EYS: variants seen among roughly 807,000 people sequenced by gnomAD.
EYS encodes the protein protein eyes shut homolog.
A neutral mutation model predicts 282.1 loss-of-function variants in EYS; 250 were observed. The observed-to-expected ratio is 0.89, with a 90% confidence interval of 0.80 to 0.98. EYS has a LOEUF of 0.98. Among genes scored for constraint, EYS ranks in the 50% least tolerant of loss-of-function variants. EYS has a pLI of 0.00. For synonymous variants in EYS, 1,355 were observed against 1,282.9 expected (o/e 1.06, Z -1.20); for missense variants, 4,016 against 3,709.0 (o/e 1.08, Z -2.15).
intron 11 of EYS, chr6:65,332,162 G>C: frequency 2.1e-6 from 1 of 478,846 alleles, no homozygotes; most frequent in Admixed American, 3.7e-5. Context: ...GATTGTGGAA[G>C]TTCCCTTTTA....
At chr6:65,271,858 G>C (rs1582086692) in intron 12 of EYS, among the ~76,000 whole-genome samples, 1 of 152,022 alleles carries the variant, frequency 6.6e-6, no homozygotes, top group Non-Finnish European at 1.5e-5. Flanking sequence ...TGCTGGAATT[G>C]CAGGCGTGAG....
chr6:65,133,288 AG>A (rs1233115579), intron 12 of EYS, among the ~76,000 whole-genome samples: 1 of 151,970 alleles, frequency 6.6e-6, no homozygotes, highest in African/African-American at 2.4e-5. Context: ...AAACAAAAAA[AG>A]CAAACAACAA....
chr6:64,511,636 T>A (rs1286906277), intron 26 of EYS, among the ~76,000 whole-genome samples: 2 of 152,036 alleles, frequency 1.3e-5, no homozygotes, highest in Non-Finnish European at 2.9e-5. Flanking sequence ...ACTGCTTTAG[T>A]TAGTCTCCCT....
At chr6:64,375,895 C>A (rs938006369) in intron 29 of EYS, among the ~76,000 whole-genome samples, 3 of 152,110 alleles carry the variant, frequency 2.0e-5, no homozygotes, top group Non-Finnish European at 4.4e-5. Flanking sequence ...CAAGAGTATC[C>A]TTTTGTCAAC....
chr6:64,430,615 T>C (rs368142145), intron 28 of EYS, among the ~76,000 whole-genome samples: 59 of 152,282 alleles, frequency 3.9e-4, no homozygotes, highest in African/African-American at 1.4e-3. Context: ...AGGTAGACAG[T>C]TATATTTTCC....
chr6:65,569,228 C>A (rs1178316014), intron 2 of EYS, among the ~76,000 whole-genome samples: 2 of 152,076 alleles, frequency 1.3e-5, no homozygotes, highest in African/African-American at 4.8e-5. Context: ...CCGCCCCTGC[C>A]CAGGGAGAAC....
At chr6:64,356,380 T>C (rs1771824690) in intron 29 of EYS, among the ~76,000 whole-genome samples, 1 of 151,620 alleles carries the variant, frequency 6.6e-6, no homozygotes, top group Admixed American at 6.6e-5. Flanking sequence ...TTTATTTCTT[T>C]AGAAAATTAA....
intron 5 of EYS, among the ~76,000 whole-genome samples, chr6:65,464,145 C>G (rs1764914978): frequency 6.6e-6 from 1 of 151,914 alleles, no homozygotes. Context: ...TACGCGGTCC[C>G]CAGTTAATGC....
intron 19 of EYS, among the ~76,000 whole-genome samples, chr6:64,878,562 T>C (rs1323339589): frequency 6.6e-6 from 1 of 151,972 alleles, no homozygotes; most frequent in Non-Finnish European, 1.5e-5. Flanking sequence ...TTCTTGAGAT[T>C]TGTGGTCAAG....
intron 14 of EYS, among the ~76,000 whole-genome samples, chr6:64,985,857 T>C (rs1770842332): frequency 6.6e-6 from 1 of 151,384 alleles, no homozygotes; most frequent in African/African-American, 2.4e-5. Context: ...AAAAACTAAC[T>C]GTGGAAGTCG....
At position 64,774,514 on chromosome 6, in the gene EYS, C is replaced by T. The variant is rs576683654; in HGVS notation, c.3443+38864G>A. The stretch of plus-strand genomic sequence containing the variant: ...ATTATAGCATTAGCTCACCATTTAC[C>T]TCCATACACCAGTTTCTCAATTCAG... On this transcript the variant is annotated intron_variant, in intron 22 of 42. Coordinates refer to ENST00000503581, the MANE Select transcript of EYS (RefSeq NM_001142800.2). Among the ~76,000 whole-genome samples, 66 of 151,994 alleles carry T rather than the reference C, an allele frequency of 4.3e-4. 2 individuals are homozygous for T. The South Asian group carries it at 0.013, about 30-fold the overall frequency.
At chr6:64,301,499 T>C (rs1421952337) in intron 30 of EYS, among the ~76,000 whole-genome samples, 1 of 152,108 alleles carries the variant, frequency 6.6e-6, no homozygotes, top group African/African-American at 2.4e-5. Context: ...CTAGAATGGG[T>C]TTTTTGCTCA....
intron 22 of EYS, among the ~76,000 whole-genome samples, chr6:64,766,631 CAAA>C (rs1173014436): frequency 2.0e-4 from 3 of 14,838 alleles, no homozygotes; most frequent in African/African-American, 6.2e-4. Context: ...AACTCCGTCT[CAAA>C]AAAAAAAAAA....
chr6:65,562,495 C>T (rs376245884), intron 2 of EYS, among the ~76,000 whole-genome samples: 1 of 151,902 alleles, frequency 6.6e-6, no homozygotes, highest in Non-Finnish European at 1.5e-5. Flanking sequence ...AGTGAAAAAA[C>T]CCCTGAAATA....
rs573070020 is a variant in EYS at position 65,516,302 on chromosome 6, C to A, written c.-332-20309G>T. Among the ~76,000 whole-genome samples the A allele has an allele frequency of 3.3e-5, 5 of 152,186 alleles. No homozygotes were observed. The East Asian group carries it at 9.7e-4, about 29-fold the overall frequency. On this transcript the variant is annotated intron_variant, in intron 2 of 42. Transcript: ENST00000503581. ...GAAAGCCAATATTTCTCATGGAAAT[C>A]TGTCTAATTCTAAGAATTTAGGCCT...
chr6:64,344,208 G>C (rs190977546), intron 29 of EYS, among the ~76,000 whole-genome samples: 70 of 152,256 alleles, frequency 4.6e-4, no homozygotes, highest in African/African-American at 1.6e-3. Flanking sequence ...CTCATTTCAT[G>C]AGGCCAGCAT....
In EYS at chr6:64,431,477, A is replaced by G. The variant is rs76728651; in HGVS notation, c.5927+4697T>C. 1.1e-4 allele frequency among the ~76,000 whole-genome samples: 16 copies of G among 152,262 alleles called. No individual in the cohort carries two copies. In the East Asian group the frequency reaches 3.1e-3, roughly 29 times the overall value. ...AAAAGAGCCCACTAATTTAATCCAC[A>G]CAGGTAAATCTCAGAGGACCAGCGC... On this transcript the variant is annotated intron_variant, in intron 28 of 42. Transcript: ENST00000503581.
chr6:64,843,896 G>A (rs1044856088), intron 19 of EYS, among the ~76,000 whole-genome samples: 9 of 152,078 alleles, frequency 5.9e-5, no homozygotes, highest in African/African-American at 2.2e-4. Context: ...ATAATTCCAC[G>A]TGTTGTGGGA....
At chr6:64,133,317 G>A (rs558280350) in intron 31 of EYS, among the ~76,000 whole-genome samples, 5 of 152,030 alleles carry the variant, frequency 3.3e-5, no homozygotes, top group African/African-American at 9.6e-5. Flanking sequence ...AAAGGTAGAC[G>A]TTCCCATATC....
Sources: allele counts gnomAD v4.1 joint callset (sites outside exome capture counted in the v4.1 genomes callset), GRCh38; gene constraint gnomAD v4.1.1; transcripts MANE v1.5; gene names NCBI Gene and HGNC (gene_info 2026-07-23, HGNC 2026-07-21).